WWOX: variants seen among roughly 807,000 people sequenced by gnomAD.
WWOX encodes WW domain-containing oxidoreductase.
In WWOX, 69 loss-of-function variants were observed where a neutral mutation model predicts 46.2. The observed-to-expected ratio is 1.49, with a 90% CI of 1.23 to 1.82. WWOX has a LOEUF of 1.82. Among genes scored for constraint, WWOX ranks in the 40% most tolerant of loss-of-function variants. The pLI is 0.00. For synonymous variants in WWOX, 359 were observed against 202.6 expected (o/e 1.77, Z -6.56); for missense variants, 919 against 542.6 (o/e 1.69, Z -6.89).
intron 8 of WWOX, among the ~76,000 whole-genome samples, chr16:78,928,481 C>G (rs1224425259): frequency 6.6e-6 from 1 of 152,122 alleles, no homozygotes; most frequent in Non-Finnish European, 1.5e-5. Context: ...GGATTACAGG[C>G]GTGAGCCACC....
chr16:78,290,159 A>C (rs2079836771), intron 5 of WWOX, among the ~76,000 whole-genome samples: 1 of 152,154 alleles, frequency 6.6e-6, no homozygotes, highest in Non-Finnish European at 1.5e-5. Flanking sequence ...GGGTTTCTAC[A>C]CTGGAAGTGT....
intron 8 of WWOX, among the ~76,000 whole-genome samples, chr16:78,746,198 G>T (rs2049343594): frequency 6.6e-6 from 1 of 152,188 alleles, no homozygotes. Context: ...TGACGTAGTT[G>T]GGTCTAAAGT....
At chr16:78,356,091 A>AAAAAAAAAAAAAAAAAAAAAAAG (rs1281293467) in intron 5 of WWOX, among the ~76,000 whole-genome samples, 1 of 76,734 alleles carries the variant, frequency 1.3e-5, no homozygotes, top group Non-Finnish European at 2.9e-5. Context: ...AAAAAAAAAA[A>AAAAAAAAAAAAAAAAAAAAAAAG]AAGAAGAATC....
intron 6 of WWOX, 26 bp downstream of exon 6, chr16:78,386,974 G>C (rs368249631): frequency 1.2e-6 from 2 of 1,600,618 alleles, no homozygotes; most frequent in Non-Finnish European, 1.7e-6. Flanking sequence ...GAGGGTTATA[G>C]ATCATAATTT....
At chr16:78,811,523 C>T (rs140087704) in intron 8 of WWOX, among the ~76,000 whole-genome samples, 2 of 150,798 alleles carry the variant, frequency 1.3e-5, no homozygotes, top group South Asian at 4.2e-4. Context: ...TCCTTTTTCT[C>T]TCTCTCTTTC....
chr16:79,195,006 AG>A (rs2051210679), intron 8 of WWOX, among the ~76,000 whole-genome samples: 1 of 152,100 alleles, frequency 6.6e-6, no homozygotes, highest in African/African-American at 2.4e-5. Flanking sequence ...TCTTCTGCTG[AG>A]TATGGATTAT....
At chr16:78,712,188 G>A (rs2048458121) in intron 8 of WWOX, among the ~76,000 whole-genome samples, 1 of 152,098 alleles carries the variant, frequency 6.6e-6, no homozygotes, top group Admixed American at 6.6e-5. Context: ...CTCATTCAGG[G>A]TGGTACGGCT....
chr16:78,356,665 G>T (rs1282079827), intron 5 of WWOX, among the ~76,000 whole-genome samples: 1 of 152,122 alleles, frequency 6.6e-6, no homozygotes, highest in Non-Finnish European at 1.5e-5. Flanking sequence ...AGTGGATCAC[G>T]AGGTCAGCAG....
At chr16:78,801,315 C>A (rs1216650095) in intron 8 of WWOX, among the ~76,000 whole-genome samples, 1 of 152,054 alleles carries the variant, frequency 6.6e-6, no homozygotes, top group Non-Finnish European at 1.5e-5. Flanking sequence ...TTTGAGACCA[C>A]CCTGGCCAAC....
At chr16:78,657,008 C>T (rs1293137704) in intron 8 of WWOX, among the ~76,000 whole-genome samples, 1 of 152,116 alleles carries the variant, frequency 6.6e-6, no homozygotes, top group African/African-American at 2.4e-5. Context: ...GAGCGTTTTG[C>T]TTCGTGTACT....
intron 8 of WWOX, among the ~76,000 whole-genome samples, chr16:79,158,900 T>G (rs1420165478): frequency 2.0e-5 from 3 of 152,212 alleles, no homozygotes. Flanking sequence ...ACTGCTGTAG[T>G]CCCAGTTCCT....
intron 5 of WWOX, among the ~76,000 whole-genome samples, chr16:78,241,595 T>C (rs1172413542): frequency 6.6e-6 from 1 of 152,112 alleles, no homozygotes; most frequent in Non-Finnish European, 1.5e-5. Context: ...TGTGCTACCA[T>C]GCCTGGCTAA....
intron 8 of WWOX, among the ~76,000 whole-genome samples, chr16:78,744,122 T>A (rs1223399693): frequency 6.6e-6 from 1 of 152,184 alleles, no homozygotes; most frequent in Non-Finnish European, 1.5e-5. Context: ...CAGCAGCGTG[T>A]GCTCTGAGAA....
intron 8 of WWOX, among the ~76,000 whole-genome samples, chr16:78,625,242 C>T (rs2046285635): frequency 6.6e-6 from 1 of 152,106 alleles, no homozygotes; most frequent in Admixed American, 6.6e-5. Flanking sequence ...GGGTCGCTGC[C>T]CCAGCCCCAC....
intron 8 of WWOX, among the ~76,000 whole-genome samples, chr16:78,633,856 G>A (rs1258348749): frequency 6.6e-6 from 1 of 151,564 alleles, no homozygotes; most frequent in Non-Finnish European, 1.5e-5. Flanking sequence ...CCACTCACAT[G>A]TAGGTCACCT....
chr16:78,140,156 G>A (rs953074456), intron 4 of WWOX, among the ~76,000 whole-genome samples: 4 of 152,128 alleles, frequency 2.6e-5, no homozygotes, highest in Non-Finnish European at 5.9e-5. Context: ...TGCATGGTGA[G>A]CGTAAAAATG....
At chr16:78,561,520 A>T (rs968742155) in intron 8 of WWOX, among the ~76,000 whole-genome samples, 9 of 152,160 alleles carry the variant, frequency 5.9e-5, no homozygotes, top group African/African-American at 2.2e-4. Context: ...GGAAGAATGC[A>T]TGCGTACACC....
At chr16:78,316,087 A>G (rs1019388040) in intron 5 of WWOX, among the ~76,000 whole-genome samples, 1 of 150,500 alleles carries the variant, frequency 6.6e-6, no homozygotes, top group Non-Finnish European at 1.5e-5. Flanking sequence ...CTCTACTGAA[A>G]ATAAAAAAAA....
intron 4 of WWOX, among the ~76,000 whole-genome samples, chr16:78,126,892 A>T (rs527633053): frequency 2.0e-5 from 3 of 152,156 alleles, no homozygotes; most frequent in Admixed American, 2.0e-4. Context: ...TTTCCCCTAG[A>T]TCTTCTATTA....
Sources: gnomAD v4.1 joint callset for allele counts (sites outside exome capture counted in the v4.1 genomes callset) on GRCh38, gnomAD v4.1.1 for gene constraint, MANE v1.5 for transcripts, NCBI Gene and HGNC (gene_info 2026-07-23, HGNC 2026-07-21) for gene names.